The following TP53BP1 variants were observed in gnomAD, a reference collection of about 807,000 sequenced individuals.
The protein encoded by TP53BP1 is TP53-binding protein 1.
TP53BP1 carries 61 observed loss-of-function variants against 200.8 expected under a neutral mutation model. That is an observed-to-expected ratio of 0.30 (90% CI 0.25 to 0.38). TP53BP1 has a LOEUF of 0.38. TP53BP1 is among the 10% of genes least tolerant of loss of function. The pLI is 1.00. For synonymous variants in TP53BP1, 822 were observed against 844.3 expected (o/e 0.97, Z 0.46); for missense variants, 2,144 against 2,371.9 (o/e 0.90, Z 2.00).
chr15:43,507,489 C>T (rs1274645532), intron 1 of TP53BP1, among the ~76,000 whole-genome samples: 4 of 152,238 alleles, frequency 2.6e-5, no homozygotes, highest in Non-Finnish European at 4.4e-5. Flanking sequence ...AGTCAAGACC[C>T]TCCACTGGTA....
chr15:43,498,725 C>G (rs2079193873), intron 1 of TP53BP1, among the ~76,000 whole-genome samples: 1 of 152,182 alleles, frequency 6.6e-6, no homozygotes, highest in Admixed American at 6.5e-5. Context: ...CTGTTGATAT[C>G]TGAATAAGGT....
intron 4 of TP53BP1, among the ~76,000 whole-genome samples, chr15:43,487,381 G>A (rs936067156): frequency 3.9e-5 from 6 of 152,004 alleles, no homozygotes; most frequent in Non-Finnish European, 7.4e-5. Flanking sequence ...AAAACAGTAC[G>A]GCCACTCTAG....
Position 43,406,697 on chromosome 15 carries a change from CAAT to C in TP53BP1, c.*683_*685del, listed in dbSNP as rs201419832. 746 of 427,274 alleles carry C rather than the reference CAAT, an allele frequency of 1.7e-3. No individual in the cohort carries two copies. Among genetic ancestry groups the C allele is most frequent in the South Asian group, 2.9e-3 (173 of 58,728 alleles). 26.5% of individuals were successfully genotyped at this position (427,274 alleles called of 1,614,324 possible). A position where few individuals can be genotyped will look rare whatever the true frequency, so the allele number is the denominator to read the frequency against. On this transcript the variant is annotated 3_prime_UTR_variant, in exon 28 of 28. Transcript: ENST00000382044. ...AAGGAACTGCTTCCAGCTATTGTGACAATAATAATAATAATAATATTGGGTCTT... is the reference window on the plus strand; with the variant it reads ...AAGGAACTGCTTCCAGCTATTGTGACAATAATAATAATAATATTGGGTCTT...
In TP53BP1 at chr15:43,407,118, G is replaced by A. The variant is rs1032400927; in HGVS notation, c.*265C>T. 2.1e-5 allele frequency: 8 copies of A among 375,682 alleles called. No homozygotes were observed. The highest frequency in any genetic ancestry group is 8.1e-5 in the South Asian group (2 of 24,646). The allele number at this position is 375,682 out of a possible 1,614,324, so 23.3% of individuals were successfully genotyped here. On this transcript the variant is annotated 3_prime_UTR_variant, in exon 28 of 28. Transcript: ENST00000382044. Reference sequence around the variant, plus strand: ...CAATTTCCTTGGCCAGCTGTCCTCCGTAAGTGAATAAGCCTGTTGAAAGAC... The same window carrying A: ...CAATTTCCTTGGCCAGCTGTCCTCCATAAGTGAATAAGCCTGTTGAAAGAC...
intron 1 of TP53BP1, among the ~76,000 whole-genome samples, chr15:43,502,991 G>T (rs578078361): frequency 6.6e-6 from 1 of 152,092 alleles, no homozygotes; most frequent in African/African-American, 2.4e-5. Flanking sequence ...GGACTCAAGC[G>T]ATCAACCCGC....
At chr15:43,471,990 A>AGCCT (rs1412738612) in intron 10 of TP53BP1, among the ~76,000 whole-genome samples, 3 of 152,242 alleles carry the variant, frequency 2.0e-5, no homozygotes, top group Admixed American at 2.0e-4. Context: ...AGCAGAAGAA[A>AGCCT]GCCTAAGATC....
chr15:43,442,815 CTTTTTT>C (rs71111818), intron 14 of TP53BP1, among the ~76,000 whole-genome samples: 2 of 61,004 alleles, frequency 3.3e-5, no homozygotes, highest in African/African-American at 8.7e-5. Flanking sequence ...CAGTAATATT[CTTTTTT>C]TTTTTTTTTT....
In TP53BP1 at chr15:43,456,665, T is replaced by C. The variant is rs2046305210; in HGVS notation, c.1943A>G (p.Asp648Gly). 3 of 1,614,012 alleles carry C rather than the reference T, an allele frequency of 1.9e-6. No homozygotes were observed. The African/African-American group carries it at 4.0e-5, about 22-fold the overall frequency. ...TRSEALSSVL[D>G]QEEAMEIKEH... ...TTTAATTTCCATAGCTTCCTCCTGA[T>C]CTAACACACTAGAAAGTGCCTCAGA... Residue 648 changes from aspartate (D) to glycine (G), a missense_variant, in exon 12 of 28, where the codon GAT (aspartate) becomes GGT (glycine). Asp to Gly is a moderately conservative substitution (Grantham distance 94). Around this residue, in one of 4 missense-constraint regions of TP53BP1, gnomAD observed 1,700 missense variants for 1,710.3 expected, o/e 0.99. Coordinates refer to ENST00000382044, the MANE Select transcript of TP53BP1 (RefSeq NM_001141980.3).
At chr15:43,427,017 C>CAAAAAAA (rs1230749433) in intron 18 of TP53BP1, among the ~76,000 whole-genome samples, 9 of 67,686 alleles carry the variant, frequency 1.3e-4, no homozygotes, top group Admixed American at 1.8e-4. Flanking sequence ...GACTCTGCCT[C>CAAAAAAA]AAAAAAAAAA....
At chr15:43,493,308 G>T, upstream of TP53BP1, 2 of 1,118,552 alleles carry the variant, frequency 1.8e-6, no homozygotes, top group Non-Finnish European at 1.2e-6. Flanking sequence ...ATGGCAGCAT[G>T]GACGTTGCAG....
intron 26 of TP53BP1, chr15:43,408,497 T>C (rs2044997915): frequency 3.7e-6 from 1 of 271,910 alleles, no homozygotes; most frequent in Non-Finnish European, 7.1e-6. Flanking sequence ...CTAAGCCCTA[T>C]ATTAGGGTCC....
chr15:43,422,932 T>A (rs509197), intron 18 of TP53BP1, among the ~76,000 whole-genome samples: 5,295 of 151,762 alleles, frequency 0.035, 300 homozygotes, highest in African/African-American at 0.12. Context: ...AAGTCAAGGC[T>A]GCAGTGAGCC....
At chr15:43,481,152 T>C (rs372089258) in intron 4 of TP53BP1, 130 bp from the exon 5 acceptor site, 7 of 935,204 alleles carry the variant, frequency 7.5e-6, no homozygotes, top group South Asian at 1.9e-5. Flanking sequence ...CTCACCTTTA[T>C]AGTGCTTCTT....
intron 12 of TP53BP1, among the ~76,000 whole-genome samples, chr15:43,454,411 T>G (rs1364018564): frequency 6.6e-6 from 1 of 151,972 alleles, no homozygotes; most frequent in Non-Finnish European, 1.5e-5. Flanking sequence ...TTGCCCAGGC[T>G]GTAGTGCAAT....
At chr15:43,491,934 A>G in intron 3 of TP53BP1, 68 bp downstream of exon 3, 1 of 1,290,312 alleles carries the variant, frequency 7.8e-7, no homozygotes, top group Non-Finnish European at 1.1e-6. Flanking sequence ...CATAAAGTTT[A>G]AATCCACCCA....
chr15:43,497,028 T>C (rs1315843104), upstream of TP53BP1, among the ~76,000 whole-genome samples: 1 of 152,208 alleles, frequency 6.6e-6, no homozygotes, highest in East Asian at 1.9e-4. Flanking sequence ...ATAAATCTAA[T>C]GCCTAGCACA....
chr15:43,481,460 T>TATACAC (rs147433466), intron 4 of TP53BP1, among the ~76,000 whole-genome samples: 1 of 143,714 alleles, frequency 7.0e-6, no homozygotes, highest in African/African-American at 2.6e-5. Flanking sequence ...TGTATATAAA[T>TATACAC]ACACACACAC....
rs8043500 is a variant in TP53BP1 at position 43,455,767 on chromosome 15, T to C, written c.2716+125A>G. 5.2e-3 allele frequency: 6,231 copies of C among 1,201,850 alleles called. 282 individuals carry two copies. In the African/African-American group the frequency reaches 0.088, roughly 17 times the overall value. The allele number at this position is 1,201,850 out of a possible 1,614,324, so 74.4% of individuals were successfully genotyped here. A position where few individuals can be genotyped will look rare whatever the true frequency, so the allele number is the denominator to read the frequency against. ...AAAAAATTTAATTTCCCAATTATTA[T>C]TGGTTGTTCATAAACATAAACCAAA... On this transcript the variant is annotated intron_variant, in intron 12 of 27. Coordinates refer to ENST00000382044, the MANE Select transcript of TP53BP1 (RefSeq NM_001141980.3).
At chr15:43,425,211 G>C (rs1202233610) in intron 18 of TP53BP1, among the ~76,000 whole-genome samples, 1 of 152,156 alleles carries the variant, frequency 6.6e-6, no homozygotes, top group Non-Finnish European at 1.5e-5. Flanking sequence ...TATAGCAACA[G>C]AAAACAGACT....
Sources: allele counts gnomAD v4.1 joint callset (sites outside exome capture counted in the v4.1 genomes callset), GRCh38; gene constraint gnomAD v4.1.1; regional missense constraint gnomAD v4.1.1; transcripts MANE v1.5; gene names NCBI Gene and HGNC (gene_info 2026-07-23, HGNC 2026-07-21).